Variants in GATB observed in about 807,000 individuals in gnomAD.
GATB encodes glutamyl-tRNA amidotransferase subunit B.
A neutral mutation model predicts 62.3 loss-of-function variants in GATB; 39 were observed. The ratio of observed to expected loss-of-function variants is 0.63; its 90% CI spans 0.48 to 0.82. The LOEUF (loss-of-function observed/expected upper bound fraction) is 0.82. Among genes scored for constraint, GATB ranks in the 40% least tolerant of loss-of-function variants. The pLI is 0.00. For synonymous variants in GATB, 276 were observed against 258.9 expected, an observed-to-expected ratio of 1.07 and a Z score of -0.63; for missense variants, 670 against 684.0, an observed-to-expected ratio of 0.98 and a Z score of 0.23.
At chr4:151,695,683 A>G (rs1370924451) in intron 9 of GATB, among the ~76,000 whole-genome samples, 2 of 152,168 alleles carry the variant, frequency 1.3e-5, no homozygotes, top group African/African-American at 4.8e-5. Context: ...CTTGAAGGAC[A>G]GGAGGCACCA....
intron 10 of GATB, among the ~76,000 whole-genome samples, chr4:151,686,550 A>C (rs1266530578): frequency 2.0e-5 from 3 of 146,868 alleles, no homozygotes; most frequent in Non-Finnish European, 4.5e-5. Flanking sequence ...ATGTGCCCCC[A>C]GAGAACTCTC....
intron 2 of GATB, among the ~76,000 whole-genome samples, chr4:151,744,559 G>A (rs1334159937): frequency 3.3e-5 from 5 of 152,100 alleles, no homozygotes; most frequent in African/African-American, 1.2e-4. Flanking sequence ...AAACTAGCCT[G>A]AGCAACATGG....
intron 2 of GATB, among the ~76,000 whole-genome samples, chr4:151,740,720 C>CAAA (rs1739467686): frequency 6.6e-6 from 1 of 152,174 alleles, no homozygotes; most frequent in Admixed American, 6.5e-5. Context: ...ATTGCCTTTG[C>CAAA]AGGAAGAGCT....
In GATB at chr4:151,705,269, T is replaced by C; in HGVS notation, c.878A>G (p.Asp293Gly). 1.9e-6 allele frequency: 3 copies of C among 1,601,830 alleles called. No homozygotes were observed. The highest frequency in any genetic ancestry group is 2.2e-5 in the East Asian group (1 of 44,790). ...ATTGATTTGCCTCTGAATTTCATAGTCTAGGAAAAACACACTAATTTAGCA... is the reference window on the plus strand; with the variant it reads ...ATTGATTTGCCTCTGAATTTCATAGCCTAGGAAAAACACACTAATTTAGCA... ...NSIRFLAKAIDYEIQRQINEL... is the reference protein window; with the variant it reads ...NSIRFLAKAIGYEIQRQINEL... Residue 293 changes from aspartate to glycine, a missense_variant and splice_region_variant, in exon 7 of 13, where the codon GAC becomes GGC. Physicochemically the swap from Asp to Gly is moderately conservative, Grantham distance 94. Transcript: ENST00000263985.
chr4:151,727,633 G>T (rs1235225475), intron 2 of GATB, among the ~76,000 whole-genome samples: 1 of 152,114 alleles, frequency 6.6e-6, no homozygotes, highest in Non-Finnish European at 1.5e-5. Context: ...GATGAACTAG[G>T]GCAAAATTTA....
At chr4:151,754,836 T>C (rs1377114404) in intron 2 of GATB, among the ~76,000 whole-genome samples, 1 of 152,242 alleles carries the variant, frequency 6.6e-6, no homozygotes, top group Non-Finnish European at 1.5e-5. Flanking sequence ...TAATTCTCTA[T>C]ACATCTCTGA....
At chr4:151,702,332 C>A (rs943607138) in intron 8 of GATB, among the ~76,000 whole-genome samples, 4 of 152,076 alleles carry the variant, frequency 2.6e-5, no homozygotes, top group African/African-American at 9.7e-5. Flanking sequence ...TTTGCCTAAA[C>A]AAAATGTGAC....
chr4:151,678,210 C>T (rs1738050934), intron 11 of GATB, among the ~76,000 whole-genome samples: 1 of 152,196 alleles, frequency 6.6e-6, no homozygotes. Flanking sequence ...GCTTGACTGC[C>T]TCACAGAAGT....
intron 2 of GATB, among the ~76,000 whole-genome samples, chr4:151,743,619 G>A (rs1271882252): frequency 6.6e-6 from 1 of 152,240 alleles, no homozygotes; most frequent in Non-Finnish European, 1.5e-5. Context: ...AACTGGAAGT[G>A]AGAAACTTTG....
intron 2 of GATB, among the ~76,000 whole-genome samples, chr4:151,738,625 T>C (rs1430026834): frequency 6.6e-6 from 1 of 152,236 alleles, no homozygotes; most frequent in Non-Finnish European, 1.5e-5. Context: ...TGAGAGTCTA[T>C]GAAGTGCTTT....
chr4:151,671,445 G>A (rs1272988062), intron 12 of GATB, 143 bp from the exon 13 acceptor site: 4 of 768,932 alleles, frequency 5.2e-6, no homozygotes, highest in Non-Finnish European at 6.2e-6. Flanking sequence ...AACAGAAAAA[G>A]GGGAGGGGCC....
At chr4:151,673,600 T>A (rs912859213) in intron 11 of GATB, 3 of 151,864 alleles carry the variant, frequency 2.0e-5, no homozygotes, top group Non-Finnish European at 4.4e-5. Context: ...ACTAGGATAA[T>A]GAACGCTAAT....
At chr4:151,728,799 A>G (rs949101015) in intron 2 of GATB, among the ~76,000 whole-genome samples, 1 of 152,234 alleles carries the variant, frequency 6.6e-6, no homozygotes, top group Non-Finnish European at 1.5e-5. Flanking sequence ...GATTAGTATT[A>G]AGTTGAAAGA....
intron 12 of GATB, among the ~76,000 whole-genome samples, chr4:151,672,312 T>G (rs1051351665): frequency 6.6e-6 from 1 of 152,192 alleles, no homozygotes; most frequent in Admixed American, 6.5e-5. Flanking sequence ...CCCTTCTGCC[T>G]TTCTTCCCAC....
intron 12 of GATB, among the ~76,000 whole-genome samples, chr4:151,671,656 G>A (rs1006007378): frequency 1.3e-5 from 2 of 152,152 alleles, no homozygotes; most frequent in African/African-American, 2.4e-5. Flanking sequence ...GAATCACTGC[G>A]TCTAATCAGT....
Position 151,717,088 on chromosome 4 carries a change from T to C in GATB, c.442-14A>G, listed in dbSNP as rs759806009. ...TTGGTAGCCTGCCTGCACACAAACA[T>C]AGGGTAAACATAGTCACTGGTCCAC... On this transcript the variant is annotated splice_polypyrimidine_tract_variant and intron_variant, in intron 3 of 12. Coordinates refer to ENST00000263985, the MANE Select transcript of GATB (RefSeq NM_004564.3). 20 of 1,612,966 alleles carry C rather than the reference T, an allele frequency of 1.2e-5. No homozygotes were observed. The East Asian group carries it at 2.7e-4, about 22-fold the overall frequency.
intron 10 of GATB, among the ~76,000 whole-genome samples, chr4:151,687,871 G>A (rs1738282823): frequency 6.6e-6 from 1 of 152,302 alleles, no homozygotes; most frequent in South Asian, 2.1e-4. Context: ...CCAAAATCAT[G>A]GGAAAGACAT....
At chr4:151,706,629 C>T (rs994430761) in intron 6 of GATB, among the ~76,000 whole-genome samples, 2 of 151,600 alleles carry the variant, frequency 1.3e-5, no homozygotes, top group African/African-American at 4.9e-5. Flanking sequence ...ATAAGCTATC[C>T]GTTTGACCAC....
intron 11 of GATB, chr4:151,677,551 C>G (rs998461046): frequency 1.3e-5 from 2 of 152,182 alleles, no homozygotes; most frequent in Non-Finnish European, 2.9e-5. Context: ...ATACATCCAG[C>G]CTGTGTGCAA....
Sources: allele counts gnomAD v4.1 joint callset (sites outside exome capture counted in the v4.1 genomes callset), GRCh38; gene constraint gnomAD v4.1.1; transcripts MANE v1.5; gene names NCBI Gene and HGNC (gene_info 2026-07-23, HGNC 2026-07-21).